Variants in PLPPR2 observed in about 807,000 individuals in gnomAD.
PLPPR2 encodes the protein phospholipid phosphatase related 2.
A neutral mutation model predicts 40.3 loss-of-function variants in PLPPR2; 11 were observed. That is an observed-to-expected ratio of 0.27 (90% CI 0.17 to 0.45). The LOEUF (loss-of-function observed/expected upper bound fraction) is 0.45, where lower values mean the gene tolerates loss of function less well. PLPPR2 is among the 20% of genes least tolerant of loss of function. The pLI, the probability that PLPPR2 is intolerant of heterozygous loss-of-function variation, is 1.00. For synonymous variants in PLPPR2, 260 were observed against 290.8 expected (o/e 0.89, Z 1.08); for missense variants, 497 against 640.7 (o/e 0.78, Z 2.42).
chr19:11,355,947 G>T (rs762320990), intron 1 of PLPPR2, among the ~76,000 whole-genome samples: 1 of 151,732 alleles, frequency 6.6e-6, no homozygotes, highest in Non-Finnish European at 1.5e-5. Context: ...CTGATGGTTT[G>T]TGTGTGTGTG....
chr19:11,358,231 T>C (rs1314764748), intron 3 of PLPPR2, among the ~76,000 whole-genome samples: 1 of 152,070 alleles, frequency 6.6e-6, no homozygotes, highest in South Asian at 2.1e-4. Context: ...ATTTTTGTAC[T>C]TTTTGGTAGA....
rs760323365 is a variant in PLPPR2, at chr19:11,364,491, C to A, written c.1160C>A (p.Ala387Glu). The change falls in exon 10 of 10, where the codon GCG becomes GAG. Residue 387 changes from alanine (A) to glutamate (E), a missense_variant. By Grantham distance (107) the Ala-to-Glu change is moderately radical. Transcript: ENST00000688289. The surrounding 1 kb of genome is among the most constrained non-coding windows in gnomAD (Gnocchi z 5.8). ...TPLPLPLPLP[A>E]PTPSQGPSPS... Reference sequence around the variant, plus strand: ...TTGCCCCTGCCCCTACCCCTGCCAGCGCCCACCCCCAGCCAGGGCCCCTCG... The same window carrying A: ...TTGCCCCTGCCCCTACCCCTGCCAGAGCCCACCCCCAGCCAGGGCCCCTCG... The A allele has an allele frequency of 1.3e-6, 2 of 1,516,430 alleles. No homozygotes were observed. The highest frequency in any genetic ancestry group is 1.8e-6 in the Non-Finnish European group (2 of 1,137,136). 93.9% of individuals were successfully genotyped at this position (1,516,430 alleles called of 1,614,324 possible).
At chr19:11,358,104 G>C (rs1403249398) in intron 3 of PLPPR2, among the ~76,000 whole-genome samples, 2 of 151,952 alleles carry the variant, frequency 1.3e-5, no homozygotes, top group Admixed American at 6.6e-5. Context: ...ACCCAGGCTG[G>C]AGTGCAGTGG....
chr19:11,365,033 T>G lies in PLPPR2; in HGVS notation c.*343T>G, dbSNP rs1968155548. ...CAATGGGAGCCTTCCCCTCACTTCTTAGAATCCTCCTGCAAGAGGGCAACT... is the reference window on the plus strand; with the variant it reads ...CAATGGGAGCCTTCCCCTCACTTCTGAGAATCCTCCTGCAAGAGGGCAACT... On this transcript the variant is annotated 3_prime_UTR_variant, in exon 10 of 10. Coordinates refer to ENST00000688289, the MANE Select transcript of PLPPR2 (RefSeq NM_001393892.1). 3.0e-6 allele frequency: 1 copy of G among 336,772 alleles called. No individual in the cohort carries two copies. Among genetic ancestry groups the G allele is most frequent in the Non-Finnish European group, 5.4e-6 (1 of 183,530 alleles). 20.9% of individuals were successfully genotyped at this position (336,772 alleles called of 1,614,324 possible). A position where few individuals can be genotyped will look rare whatever the true frequency, so the allele number is the denominator to read the frequency against.
intron 1 of PLPPR2, among the ~76,000 whole-genome samples, chr19:11,356,167 G>C (rs1967867270): frequency 6.6e-6 from 1 of 152,000 alleles, no homozygotes; most frequent in Non-Finnish European, 1.5e-5. Flanking sequence ...ATGGTCCATG[G>C]ATGTGGCCAT....
rs573926131 is a variant in PLPPR2, at chr19:11,363,446, T to C, written c.841-267T>C. Among the ~76,000 whole-genome samples, 1 of 152,204 alleles carries C rather than the reference T, an allele frequency of 6.6e-6. No individual in the cohort carries two copies. Among genetic ancestry groups the C allele is most frequent in the Middle Eastern group, 3.4e-3 (1 of 294 alleles). ...GCCTGGGTGACAGAGTGAGACTGTC[T>C]CAAAAAAATAAAAAATTAAAAAAAT... On this transcript the variant is annotated intron_variant, in intron 7 of 9. Transcript: ENST00000688289. The surrounding 1 kb of genome is among the most constrained non-coding windows in gnomAD (Gnocchi z 4.8).
At position 11,363,032 on chromosome 19, in the gene PLPPR2, G is replaced by A. The variant is rs576915482; in HGVS notation, c.840+343G>A. 4.6e-5 allele frequency among the ~76,000 whole-genome samples: 7 copies of A among 151,394 alleles called. No homozygotes were observed. Among genetic ancestry groups the A allele is most frequent in the Non-Finnish European group, 1.0e-4 (7 of 67,466 alleles). On this transcript the variant is annotated intron_variant, in intron 7 of 9. Transcript: ENST00000688289. This position sits in a 1 kb window ranked among gnomAD's most constrained non-coding sequence, Gnocchi z 4.8. ...ATCAAGGCTGGGTGCGGTGGCTCAC[G>A]CCTGTAATCCCAGCACTTTGGGAAG...
In PLPPR2 at chr19:11,362,860, G is replaced by A. The variant is rs1219406529; in HGVS notation, c.840+171G>A. ...CTGTGAAATGAGATACCAGGATCAG[G>A]GTGAGGCAAGGCCTTGAATGCAAAT... On this transcript the variant is annotated intron_variant, in intron 7 of 9. Transcript: ENST00000688289. This position sits in a 1 kb window ranked among gnomAD's most constrained non-coding sequence, Gnocchi z 5.3. Among the ~76,000 whole-genome samples the A allele has an allele frequency of 1.1e-4, 16 of 152,154 alleles. No individual in the cohort carries two copies. Among genetic ancestry groups the A allele is most frequent in the Non-Finnish European group, 2.4e-4 (16 of 68,030 alleles).
chr19:11,364,364 C>G lies in PLPPR2; in HGVS notation c.1033C>G (p.Arg345Gly), dbSNP rs761831137. The change falls in exon 10 of 10, where the codon CGC becomes GGC. Residue 345 changes from arginine (R) to glycine (G), a missense_variant. Physicochemically the swap from Arg to Gly is moderately radical, Grantham distance 125 (BLOSUM62 -2). Transcript: ENST00000688289. The surrounding 1 kb of genome is among the most constrained non-coding windows in gnomAD (Gnocchi z 5.8). Reference protein sequence around the residue: ...LTPSKSQNCARRGHLIPSCVS... With the variant: ...LTPSKSQNCAGRGHLIPSCVS... ...ACCACCAGAGTCGCAGAACTGCGCC[C>G]GCCGTGGCCACCTGATCCCCAGCTG... 6.6e-7 allele frequency: 1 copy of G among 1,520,112 alleles called. No individual in the cohort carries two copies. The highest frequency in any genetic ancestry group is 2.2e-5 in the Admixed American group (1 of 45,108). 94.2% of individuals were successfully genotyped at this position (1,520,112 alleles called of 1,614,324 possible). A position where few individuals can be genotyped will look rare whatever the true frequency, so the allele number is the denominator to read the frequency against.
At position 11,364,912 on chromosome 19, in the gene PLPPR2, C is replaced by A; in HGVS notation, c.*222C>A. 5.0e-6 allele frequency: 3 copies of A among 600,338 alleles called. No individual in the cohort carries two copies. Among genetic ancestry groups the A allele is most frequent in the Admixed American group, 6.4e-5 (2 of 31,204 alleles). 37.2% of individuals were successfully genotyped at this position (600,338 alleles called of 1,614,324 possible). A position where few individuals can be genotyped will look rare whatever the true frequency, so the allele number is the denominator to read the frequency against. Reference sequence around the variant, plus strand: ...AGGTGCGCACTTGCCCCTACTATTGCCCTTTTAAGGGCCAAAGCTTGACCC... The same window carrying A: ...AGGTGCGCACTTGCCCCTACTATTGACCTTTTAAGGGCCAAAGCTTGACCC... On this transcript the variant is annotated 3_prime_UTR_variant, in exon 10 of 10. Transcript: ENST00000688289. The surrounding 1 kb of genome is among the most constrained non-coding windows in gnomAD (Gnocchi z 5.8).
chr19:11,360,094 A>G, intron 5 of PLPPR2, 138 bp downstream of exon 5: 1 of 1,230,256 alleles, frequency 8.1e-7, no homozygotes, highest in Non-Finnish European at 1.1e-6. Flanking sequence ...GCACTGTGGG[A>G]GGCCAAGTGG....
At position 11,364,226 on chromosome 19, in the gene PLPPR2, G is replaced by C; in HGVS notation, c.1015+14G>C. 2 of 1,608,358 alleles carry C rather than the reference G, an allele frequency of 1.2e-6. No homozygotes were observed. The highest frequency in any genetic ancestry group is 1.3e-5 in the African/African-American group (1 of 74,872). The stretch of plus-strand genomic sequence containing the variant: ...TCACCCCATCCAGTGAGTGTTGGGG[G>C]AGTGGGGGGCTAAACAGGGGGACTT... On this transcript the variant is annotated intron_variant, in intron 9 of 9. Transcript: ENST00000688289. This position sits in a 1 kb window ranked among gnomAD's most constrained non-coding sequence, Gnocchi z 5.8.
Position 11,359,673 on chromosome 19 carries a change from C to T in PLPPR2, c.208C>T (p.Pro70Ser), listed in dbSNP as rs757665847. 6.2e-7 allele frequency: 1 copy of T among 1,610,722 alleles called. No individual in the cohort carries two copies. The highest frequency in any genetic ancestry group is 1.3e-5 in the African/African-American group (1 of 75,010). Residue 70 changes from proline to serine, a missense_variant, in exon 4 of 10, where the codon CCT becomes TCT. Pro to Ser is a moderately conservative substitution (Grantham distance 74). Coordinates refer to ENST00000688289, the MANE Select transcript of PLPPR2 (RefSeq NM_001393892.1). The surrounding 1 kb of genome is among the most constrained non-coding windows in gnomAD (Gnocchi z 5.6). Reference protein sequence around the residue: ...YPGPEAASRVPPALVYALVTA... With the variant: ...YPGPEAASRVSPALVYALVTA... ...AGGGCCTGAGGCTGCCAGCCGAGTGCCTCCTGCTCTTGTCTACGCACTGGT... is the reference window on the plus strand; with the variant it reads ...AGGGCCTGAGGCTGCCAGCCGAGTGTCTCCTGCTCTTGTCTACGCACTGGT...
intron 3 of PLPPR2, among the ~76,000 whole-genome samples, 154 bp downstream of exon 3, chr19:11,357,893 G>A (rs1967932993): frequency 6.6e-6 from 1 of 152,024 alleles, no homozygotes; most frequent in South Asian, 2.1e-4. Context: ...ATTCAGAAGT[G>A]CCACTCCCCG....
Position 11,361,596 on chromosome 19 carries a change from C to T in PLPPR2, c.663+108C>T, listed in dbSNP as rs930589596. 1.4e-6 allele frequency: 2 copies of T among 1,432,468 alleles called. No individual in the cohort carries two copies. Among genetic ancestry groups the T allele is most frequent in the African/African-American group, 1.4e-5 (1 of 69,036 alleles). The allele number at this position is 1,432,468 out of a possible 1,614,324, so 88.7% of individuals were successfully genotyped here. On this transcript the variant is annotated intron_variant, in intron 6 of 9. Transcript: ENST00000688289. This position sits in a 1 kb window ranked among gnomAD's most constrained non-coding sequence, Gnocchi z 6.3. ...CCTCTGCTCTTCCACGCCCCGGGTG[C>T]TGTTGGAAGCTCTCGCTCCACGCCC...
chr19:11,358,180 G>A (rs990780393), intron 3 of PLPPR2, among the ~76,000 whole-genome samples: 2 of 152,134 alleles, frequency 1.3e-5, no homozygotes, highest in South Asian at 2.1e-4. Flanking sequence ...TCAGCGTCCC[G>A]AGTAGCTGAG....
chr19:11,362,479 C>A lies in PLPPR2; in HGVS notation c.664-34C>A. The A allele has an allele frequency of 6.2e-7, 1 of 1,605,390 alleles. No homozygotes were observed. On this transcript the variant is annotated intron_variant, in intron 6 of 9. Coordinates refer to ENST00000688289, the MANE Select transcript of PLPPR2 (RefSeq NM_001393892.1). The surrounding 1 kb of genome is among the most constrained non-coding windows in gnomAD (Gnocchi z 5.3). The stretch of plus-strand genomic sequence containing the variant: ...TCCACTTGGGTTCGGCGACTTGCCT[C>A]CGCTATCCCCCTGACCAGTCCGGCT...
rs946749006 is a variant in PLPPR2 at position 11,361,166 on chromosome 19, T to G, written c.392-51T>G. Reference sequence around the variant, plus strand: ...GAGCTAAGAGGCCCAATGGAATCAGTGGGAGCATCAGGGCCTGGCGCATGA... The same window carrying G: ...GAGCTAAGAGGCCCAATGGAATCAGGGGGAGCATCAGGGCCTGGCGCATGA... On this transcript the variant is annotated intron_variant, in intron 5 of 9. Transcript: ENST00000688289. This position sits in a 1 kb window ranked among gnomAD's most constrained non-coding sequence, Gnocchi z 6.3. 1 of 1,548,428 alleles carries G rather than the reference T, an allele frequency of 6.5e-7. No homozygotes were observed. The highest frequency in any genetic ancestry group is 1.8e-5 in the Admixed American group (1 of 55,572).
Position 11,364,013 on chromosome 19 carries a change from C to G in PLPPR2, c.964-148C>G, listed in dbSNP as rs972996684. 7.5e-7 allele frequency: 1 copy of G among 1,337,026 alleles called. No homozygotes were observed. The highest frequency in any genetic ancestry group is 1.0e-6 in the Non-Finnish European group (1 of 976,148). 82.8% of individuals were successfully genotyped at this position (1,337,026 alleles called of 1,614,324 possible). On this transcript the variant is annotated intron_variant, in intron 8 of 9. Coordinates refer to ENST00000688289, the MANE Select transcript of PLPPR2 (RefSeq NM_001393892.1). The surrounding 1 kb of genome is among the most constrained non-coding windows in gnomAD (Gnocchi z 5.8). ...CAGCCCCAAAGAATGAAAGGGAGCA[C>G]CCCCGTCTTCTTCCCAGGGGGACAC...
Sources: gnomAD v4.1 joint callset for allele counts (sites outside exome capture counted in the v4.1 genomes callset) on GRCh38, gnomAD v4.1.1 for gene constraint, Gnocchi (gnomAD v3.1) non-coding constraint, MANE v1.5 for transcripts, NCBI Gene and HGNC (gene_info 2026-07-23, HGNC 2026-07-21) for gene names.